The following GATAD2B variants were observed in gnomAD, a reference collection of about 807,000 sequenced individuals.
GATAD2B encodes transcriptional repressor p66-beta.
In GATAD2B, 8 loss-of-function variants were observed where a neutral mutation model predicts 64.3. The ratio of observed to expected loss-of-function variants is 0.12; its 90% CI spans 0.07 to 0.22. The LOEUF (loss-of-function observed/expected upper bound fraction) is 0.22, where lower values mean the gene tolerates loss of function less well. GATAD2B is among the 10% of genes least tolerant of loss of function. The probability of loss-of-function intolerance (pLI) is 1.00; values close to 1 mark genes in which losing one functional copy is unlikely to be tolerated. For synonymous variants in GATAD2B, 281 were observed against 271.3 expected (o/e 1.04, Z -0.35); for missense variants, 453 against 752.0 (o/e 0.60, Z 4.65).
chr1:153,814,367 T>A (rs1304938291), intron 7 of GATAD2B, among the ~76,000 whole-genome samples: 7 of 152,366 alleles, frequency 4.6e-5, no homozygotes, highest in African/African-American at 1.7e-4. Context: ...TACAGCTTTT[T>A]ATAAGGTCTT....
At chr1:153,856,997 AC>A (rs1676104141) in intron 1 of GATAD2B, among the ~76,000 whole-genome samples, 1 of 152,086 alleles carries the variant, frequency 6.6e-6, no homozygotes, top group South Asian at 2.1e-4. Flanking sequence ...GTTAATCATC[AC>A]AGCCCTATTT....
chr1:153,878,375 G>A (rs1318184368), intron 1 of GATAD2B, among the ~76,000 whole-genome samples: 6 of 151,924 alleles, frequency 3.9e-5, no homozygotes, highest in Non-Finnish European at 7.4e-5. Context: ...GCAATTCTGC[G>A]ATGGTCTCCC....
chr1:153,858,441 C>CA (rs1676162722), intron 1 of GATAD2B, among the ~76,000 whole-genome samples: 1 of 152,056 alleles, frequency 6.6e-6, no homozygotes, highest in Admixed American at 6.6e-5. Flanking sequence ...CCCATCTCTA[C>CA]AAAAAATAGA....
intron 1 of GATAD2B, among the ~76,000 whole-genome samples, chr1:153,835,855 T>C (rs940672191): frequency 6.6e-6 from 1 of 152,124 alleles, no homozygotes; most frequent in Non-Finnish European, 1.5e-5. Flanking sequence ...CCTGAGTAGC[T>C]GGGATTACAG....
intron 1 of GATAD2B, among the ~76,000 whole-genome samples, chr1:153,842,243 G>A (rs1376356294): frequency 6.6e-6 from 1 of 152,140 alleles, no homozygotes; most frequent in Non-Finnish European, 1.5e-5. Context: ...CTTTTTACAT[G>A]TTTATTTGCC....
At position 153,895,363 on chromosome 1, in the gene GATAD2B, A is replaced by AT. The variant is rs566564025; in HGVS notation, c.-2+27369dup. 1.9e-3 allele frequency among the ~76,000 whole-genome samples: 283 copies of AT among 151,734 alleles called. 2 individuals carry two copies. Among genetic ancestry groups the AT allele is most frequent in the African/African-American group, 6.5e-3 (267 of 41,316 alleles). On this transcript the variant is annotated intron_variant, in intron 1 of 10. Transcript: ENST00000368655. ...AAAAAAAAAAAGTTTACAGAAACTG[A>AT]TAAACAAGAGATTGGCAGTATTTCC...
At position 153,816,912 on chromosome 1, in the gene GATAD2B, T is replaced by C. The variant is rs1341452908; in HGVS notation, c.901-324A>G. ...CAGCCTGGCCAACATGGTCAAACTC[T>C]GTCTCTACGAAAAATACACAAAATT... On this transcript the variant is annotated intron_variant, in intron 6 of 10. Transcript: ENST00000368655. The surrounding 1 kb of genome is among the most constrained non-coding windows in gnomAD (Gnocchi z 4.9). Among the ~76,000 whole-genome samples the C allele has an allele frequency of 6.6e-6, 1 of 152,152 alleles. No homozygotes were observed. The highest frequency in any genetic ancestry group is 1.9e-4 in the East Asian group (1 of 5,190).
In GATAD2B at chr1:153,828,121, T is replaced by C. The variant is rs1290954595; in HGVS notation, c.227A>G (p.Glu76Gly). The change falls in exon 2 of 11, where the codon GAA becomes GGA. Residue 76 changes from glutamate to glycine, a missense_variant. Physicochemically the swap from Glu to Gly is moderately conservative, Grantham distance 98. Coordinates refer to ENST00000368655, the MANE Select transcript of GATAD2B (RefSeq NM_020699.4). ...KQDGSGVKGY[E>G]EKLNGNLRPH... The stretch of plus-strand genomic sequence containing the variant: ...CCTGAGATTCCCGTTAAGTTTTTCT[T>C]CATAGCCCTTGACACCACTGCCATC... 1 of 1,614,086 alleles carries C rather than the reference T, an allele frequency of 6.2e-7. No individual in the cohort carries two copies. The highest frequency in any genetic ancestry group is 8.5e-7 in the Non-Finnish European group (1 of 1,180,034).
chr1:153,839,969 G>T (rs951466733), intron 1 of GATAD2B, among the ~76,000 whole-genome samples: 2 of 150,138 alleles, frequency 1.3e-5, no homozygotes, highest in African/African-American at 4.9e-5. Context: ...GCGAGATTCT[G>T]TCTCAAACAA....
intron 1 of GATAD2B, among the ~76,000 whole-genome samples, chr1:153,872,336 A>G (rs1031566039): frequency 4.0e-5 from 6 of 151,064 alleles, no homozygotes; most frequent in Non-Finnish European, 5.9e-5. Flanking sequence ...AAAAAAAAAA[A>G]GCAACCCAGT....
intron 1 of GATAD2B, among the ~76,000 whole-genome samples, chr1:153,845,354 C>G (rs1044960971): frequency 6.6e-6 from 1 of 150,788 alleles, no homozygotes; most frequent in Admixed American, 6.6e-5. Flanking sequence ...GAACTCCTGC[C>G]TGGACAACAG....
At chr1:153,831,409 C>T (rs984789594) in intron 1 of GATAD2B, among the ~76,000 whole-genome samples, 5 of 151,934 alleles carry the variant, frequency 3.3e-5, no homozygotes, top group African/African-American at 1.2e-4. Context: ...ACCTAGATGA[C>T]GGGTTGATAG....
chr1:153,815,049 T>TCCAG (rs1674406384), intron 7 of GATAD2B, among the ~76,000 whole-genome samples: 1 of 110,044 alleles, frequency 9.1e-6, no homozygotes, highest in Admixed American at 1.3e-4. Flanking sequence ...GCCACTGTAC[T>TCCAG]CCAGCCTGGG....
intron 1 of GATAD2B, among the ~76,000 whole-genome samples, chr1:153,891,826 A>T (rs1677414960): frequency 6.6e-6 from 1 of 151,996 alleles, no homozygotes; most frequent in Non-Finnish European, 1.5e-5. Flanking sequence ...GAATGGCTAG[A>T]TTTAACATAA....
chr1:153,900,607 T>C (rs528568438), intron 1 of GATAD2B, among the ~76,000 whole-genome samples: 2 of 152,236 alleles, frequency 1.3e-5, no homozygotes, highest in East Asian at 3.9e-4. Flanking sequence ...CCTCAACCTC[T>C]TGGGTTCAAT....
In GATAD2B at chr1:153,886,339, T is replaced by C. The variant is rs540481436; in HGVS notation, c.-2+36394A>G. 187 of 152,318 alleles carry C rather than the reference T, an allele frequency of 1.2e-3. 2 individuals carry two copies. The highest frequency in any genetic ancestry group is 4.2e-3 in the African/African-American group (173 of 41,572). The allele number at this position is 152,318 out of a possible 1,614,324, so 9.4% of individuals were successfully genotyped here. On this transcript the variant is annotated intron_variant, in intron 1 of 10. Coordinates refer to ENST00000368655, the MANE Select transcript of GATAD2B (RefSeq NM_020699.4). ...ACCTATATAGTATAGTCTGTTACTA[T>C]ACTGGCAATTATAACACAATGGTAA...
chr1:153,907,982 T>C (rs1387851530), intron 1 of GATAD2B, among the ~76,000 whole-genome samples: 2 of 152,174 alleles, frequency 1.3e-5, no homozygotes, highest in Non-Finnish European at 2.9e-5. Context: ...TTTTTGTATT[T>C]TTAGTAGAGA....
chr1:153,886,360 GGTAA>G (rs1285529829), intron 1 of GATAD2B: 1 of 152,006 alleles, frequency 6.6e-6, no homozygotes, highest in Non-Finnish European at 1.5e-5. Context: ...ATAACACAAT[GGTAA>G]GTATTTGTTT....
intron 1 of GATAD2B, among the ~76,000 whole-genome samples, chr1:153,899,193 G>A (rs752677310): frequency 1.6e-4 from 24 of 152,214 alleles, no homozygotes; most frequent in Non-Finnish European, 2.4e-4. Context: ...GTTCGAAGCT[G>A]CAGTGACCAT....
Sources: allele counts gnomAD v4.1 joint callset (sites outside exome capture counted in the v4.1 genomes callset), GRCh38; gene constraint gnomAD v4.1.1; non-coding constraint Gnocchi (gnomAD v3.1); transcripts MANE v1.5; gene names NCBI Gene and HGNC (gene_info 2026-07-23, HGNC 2026-07-21).